GABRG1: variants seen among roughly 807,000 people sequenced by gnomAD.
GABRG1 encodes gamma-aminobutyric acid receptor subunit gamma-1.
Under a neutral mutation model 49.8 loss-of-function variants are expected in GABRG1, and 49 were observed. The observed-to-expected ratio is 0.98, with a 90% confidence interval of 0.78 to 1.25. The LOEUF is 1.25. GABRG1 is among the 50% of genes most tolerant of loss of function. GABRG1 has a pLI of 0.00. For synonymous variants in GABRG1, 232 were observed against 185.1 expected, an observed-to-expected ratio of 1.25 and a Z score of -2.06; for missense variants, 552 against 552.3, an observed-to-expected ratio of 1.00 and a Z score of 0.01.
intron 3 of GABRG1, among the ~76,000 whole-genome samples, chr4:46,070,207 A>G (rs1015289751): frequency 3.9e-5 from 6 of 151,990 alleles, no homozygotes; most frequent in Non-Finnish European, 8.8e-5. Context: ...CACTGCACTG[A>G]GAATAATGAA....
intron 1 of GABRG1, among the ~76,000 whole-genome samples, chr4:46,111,533 A>G (rs9654079): frequency 0.047 from 7,101 of 151,524 alleles, 543 homozygotes; most frequent in African/African-American, 0.16. Context: ...CCAAATAGCC[A>G]AAGCAACTCC....
chr4:46,103,753 T>A (rs1324634730), intron 1 of GABRG1, among the ~76,000 whole-genome samples: 1 of 151,456 alleles, frequency 6.6e-6, no homozygotes, highest in Non-Finnish European at 1.5e-5. Context: ...GCTACTCCTA[T>A]TATTTCATAC....
intron 2 of GABRG1, among the ~76,000 whole-genome samples, chr4:46,091,416 C>T (rs998372161): frequency 1.8e-4 from 27 of 151,964 alleles, no homozygotes; most frequent in African/African-American, 6.0e-4. Context: ...AATACAACCA[C>T]ATAACCTTAA....
chr4:46,118,655 C>A (rs1721006467), intron 1 of GABRG1, among the ~76,000 whole-genome samples: 1 of 150,990 alleles, frequency 6.6e-6, no homozygotes, highest in South Asian at 2.1e-4. Flanking sequence ...GCTTAACACA[C>A]AATGGGCACT....
At chr4:46,096,458 A>G (rs982940482) in intron 2 of GABRG1, among the ~76,000 whole-genome samples, 53 of 151,552 alleles carry the variant, frequency 3.5e-4, no homozygotes, top group African/African-American at 1.2e-3. Context: ...CACTGCCCAT[A>G]TAGATACATA....
At chr4:46,117,866 A>G (rs1340581829) in intron 1 of GABRG1, among the ~76,000 whole-genome samples, 1 of 59,946 alleles carries the variant, frequency 1.7e-5, no homozygotes, top group South Asian at 5.3e-4. Flanking sequence ...ATACATATAT[A>G]CATATGTATA....
At chr4:46,096,299 TATCA>T (rs1276776287) in intron 2 of GABRG1, among the ~76,000 whole-genome samples, 1 of 151,708 alleles carries the variant, frequency 6.6e-6, no homozygotes, top group African/African-American at 2.4e-5. Flanking sequence ...AGTTAAATAA[TATCA>T]ATAACAACTG....
At chr4:46,102,948 C>T (rs998665621) in intron 1 of GABRG1, among the ~76,000 whole-genome samples, 7 of 151,608 alleles carry the variant, frequency 4.6e-5, no homozygotes, top group African/African-American at 9.6e-5. Flanking sequence ...ATTTTTCATG[C>T]GTAAATTAAA....
rs1366588168 is a variant in GABRG1 at position 46,036,411 on chromosome 4, A to C, written c.*4577T>G. The C allele has an allele frequency of 6.6e-6, 1 of 151,976 alleles. No homozygotes were observed. The highest frequency in any genetic ancestry group is 2.1e-4 in the South Asian group (1 of 4,832). The allele number at this position is 151,976 out of a possible 1,614,324, so 9.4% of individuals were successfully genotyped here. On this transcript the variant is annotated 3_prime_UTR_variant, in exon 9 of 9. Transcript: ENST00000295452. Reference sequence around the variant, plus strand: ...CAAAAAATAAGAATCTAGACAGATCACTTTAGGATTTACATTTCAGATTAT... The same window carrying C: ...CAAAAAATAAGAATCTAGACAGATCCCTTTAGGATTTACATTTCAGATTAT...
In GABRG1 at chr4:46,038,820, T is replaced by C. The variant is rs975340333; in HGVS notation, c.*2168A>G. 1.3e-5 allele frequency: 2 copies of C among 151,764 alleles called. No homozygotes were observed. Among genetic ancestry groups the C allele is most frequent in the Admixed American group, 1.3e-4 (2 of 15,178 alleles). The allele number at this position is 151,764 out of a possible 1,614,324, so 9.4% of individuals were successfully genotyped here. A position where few individuals can be genotyped will look rare whatever the true frequency, so the allele number is the denominator to read the frequency against. On this transcript the variant is annotated 3_prime_UTR_variant, in exon 9 of 9. Coordinates refer to ENST00000295452, the MANE Select transcript of GABRG1 (RefSeq NM_173536.4). Reference sequence around the variant, plus strand: ...GATGGTATATACAAGGAAAGGCATCTTTCATATATTTACAAATTTTATTTC... The same window carrying C: ...GATGGTATATACAAGGAAAGGCATCCTTCATATATTTACAAATTTTATTTC...
At position 46,066,509 on chromosome 4, in the gene GABRG1, T is replaced by A. The variant is rs1464868054; in HGVS notation, c.322-925A>T. Among the ~76,000 whole-genome samples, 7 of 152,274 alleles carry A rather than the reference T, an allele frequency of 4.6e-5. No homozygotes were observed. The East Asian group carries it at 1.4e-3, about 29-fold the overall frequency. ...TCTATTAATAGAAATATAAAATAAT[T>A]CTTCTCACATCACAGAACTAATAAG... is the stretch of plus-strand genomic sequence containing the variant. On this transcript the variant is annotated intron_variant, in intron 3 of 8. Transcript: ENST00000295452.
chr4:46,036,726 T>C lies in GABRG1; in HGVS notation c.*4262A>G, dbSNP rs145361126. On this transcript the variant is annotated 3_prime_UTR_variant, in exon 9 of 9. Transcript: ENST00000295452. Reference sequence around the variant, plus strand: ...ATCCTCATATTAGCCACTATAAGCTTATACGCCTAACTGGCTTGTTATATT... The same window carrying C: ...ATCCTCATATTAGCCACTATAAGCTCATACGCCTAACTGGCTTGTTATATT... 1 of 151,946 alleles carries C rather than the reference T, an allele frequency of 6.6e-6. No homozygotes were observed. Among genetic ancestry groups the C allele is most frequent in the African/African-American group, 2.4e-5 (1 of 41,406 alleles). 9.4% of individuals were successfully genotyped at this position (151,946 alleles called of 1,614,324 possible). A position where few individuals can be genotyped will look rare whatever the true frequency, so the allele number is the denominator to read the frequency against.
chr4:46,065,707 G>A, intron 3 of GABRG1, 123 bp from the exon 4 acceptor site: 2 of 593,922 alleles, frequency 3.4e-6, no homozygotes, highest in South Asian at 2.2e-5. Context: ...TCTTTTCGGA[G>A]GAAAAAAATG....
chr4:46,094,020 A>G (rs1720090893), intron 2 of GABRG1, among the ~76,000 whole-genome samples: 1 of 152,052 alleles, frequency 6.6e-6, no homozygotes, highest in Non-Finnish European at 1.5e-5. Flanking sequence ...AAATATACCT[A>G]GAACACAGGC....
At chr4:46,095,892 G>A (rs1720149396) in intron 2 of GABRG1, among the ~76,000 whole-genome samples, 1 of 151,774 alleles carries the variant, frequency 6.6e-6, no homozygotes, top group South Asian at 2.1e-4. Context: ...ATTTCACAGG[G>A]GTTTTCCTGT....
chr4:46,117,033 T>G (rs1230960394), intron 1 of GABRG1, among the ~76,000 whole-genome samples: 2 of 150,554 alleles, frequency 1.3e-5, no homozygotes, highest in Non-Finnish European at 3.0e-5. Context: ...CTGTACCTAA[T>G]GTACAACCAT....
chr4:46,069,254 A>G (rs760360684), intron 3 of GABRG1, among the ~76,000 whole-genome samples: 13 of 152,060 alleles, frequency 8.5e-5, no homozygotes, highest in Non-Finnish European at 1.8e-4. Context: ...TATTATTCCT[A>G]TGTTGGCATT....
intron 2 of GABRG1, among the ~76,000 whole-genome samples, chr4:46,090,540 G>T: frequency 6.6e-6 from 1 of 152,048 alleles, no homozygotes; most frequent in African/African-American, 2.4e-5. Flanking sequence ...TATATATAGA[G>T]AAAACAGACA....
chr4:46,102,417 T>C (rs945416779), intron 1 of GABRG1, among the ~76,000 whole-genome samples: 7 of 151,716 alleles, frequency 4.6e-5, no homozygotes, highest in African/African-American at 1.7e-4. Context: ...AAAACTTTCT[T>C]AGAAGGGTAT....
Sources: gnomAD v4.1 joint callset for allele counts (sites outside exome capture counted in the v4.1 genomes callset) on GRCh38, gnomAD v4.1.1 for gene constraint, MANE v1.5 for transcripts, NCBI Gene and HGNC (gene_info 2026-07-23, HGNC 2026-07-21) for gene names.